The following OLA1 variants were observed in gnomAD, a reference collection of about 807,000 sequenced individuals.
The protein encoded by OLA1 is obg-like ATPase 1.
A neutral mutation model predicts 48.4 loss-of-function variants in OLA1; 14 were observed. The ratio of observed to expected loss-of-function variants is 0.29; its 90% CI spans 0.19 to 0.45. OLA1 has a LOEUF of 0.45. OLA1 is among the 20% of genes least tolerant of loss of function. The pLI, the probability that OLA1 is intolerant of heterozygous loss-of-function variation, is 1.00. For synonymous variants in OLA1, 127 were observed against 150.4 expected (o/e 0.84, Z 1.14); for missense variants, 325 against 467.1 (o/e 0.70, Z 2.80).
intron 7 of OLA1, among the ~76,000 whole-genome samples, chr2:174,113,306 A>G (rs562721994): frequency 6.6e-6 from 1 of 152,190 alleles, no homozygotes; most frequent in Non-Finnish European, 1.5e-5. Context: ...CCTGTTTATC[A>G]TATCAATATA....
rs570270729 is a variant in OLA1 at position 174,145,378 on chromosome 2, T to C, written c.374-3378A>G. On this transcript the variant is annotated intron_variant, in intron 4 of 10. Transcript: ENST00000284719. ...TCTCACTAGTTCACTAGCACACTTT[T>C]ACCCTAGTCCATGGCCTAAGTTATT... Among the ~76,000 whole-genome samples the C allele has an allele frequency of 2.0e-5, 3 of 152,294 alleles. No individual in the cohort carries two copies. In the South Asian group the frequency reaches 6.2e-4, roughly 32 times the overall value.
intron 4 of OLA1, among the ~76,000 whole-genome samples, chr2:174,163,357 T>G (rs1687057854): frequency 6.6e-6 from 1 of 152,018 alleles, no homozygotes; most frequent in South Asian, 2.1e-4. Flanking sequence ...TGATGACAGA[T>G]AATAGCAATA....
In OLA1 at chr2:174,243,938, A is replaced by G. The variant is rs567086507; in HGVS notation, c.101+2777T>C. ...GAGAACCGTCTCCCTCCCACAATCT[A>G]TATCTTGTAGATCTATACAGAAGCA... On this transcript the variant is annotated intron_variant, in intron 2 of 10. Coordinates refer to ENST00000284719, the MANE Select transcript of OLA1 (RefSeq NM_013341.5). Among the ~76,000 whole-genome samples the G allele has an allele frequency of 1.8e-4, 28 of 152,240 alleles. No individual in the cohort carries two copies. The South Asian group carries it at 5.8e-3, about 32-fold the overall frequency.
chr2:174,129,731 G>A (rs201593671), intron 5 of OLA1, among the ~76,000 whole-genome samples: 1 of 151,834 alleles, frequency 6.6e-6, no homozygotes, highest in Admixed American at 6.6e-5. Flanking sequence ...GTTATAATAG[G>A]AAAAAAATAA....
At chr2:174,240,889 C>T (rs13424466) in intron 2 of OLA1, among the ~76,000 whole-genome samples, 65,065 of 151,926 alleles carry the variant, frequency 0.43, 14,021 homozygotes, top group Middle Eastern at 0.5. Flanking sequence ...TATTTTGTAT[C>T]AGGAAAATAG....
intron 5 of OLA1, among the ~76,000 whole-genome samples, chr2:174,137,245 A>G (rs1463878286): frequency 6.6e-6 from 1 of 152,186 alleles, no homozygotes; most frequent in Non-Finnish European, 1.5e-5. Flanking sequence ...AGTAGGTCTC[A>G]ATGAAAGGAA....
intron 7 of OLA1, among the ~76,000 whole-genome samples, chr2:174,095,136 C>T (rs1685217637): frequency 6.6e-6 from 1 of 151,942 alleles, no homozygotes; most frequent in African/African-American, 2.4e-5. Context: ...CTCTTCAAGC[C>T]CCTGCCTTCA....
intron 5 of OLA1, among the ~76,000 whole-genome samples, chr2:174,126,270 A>C (rs912233248): frequency 1.3e-5 from 2 of 152,112 alleles, no homozygotes; most frequent in African/African-American, 2.4e-5. Flanking sequence ...ATATATATAA[A>C]TACATATATA....
chr2:174,239,904 C>T (rs945807975), intron 2 of OLA1, among the ~76,000 whole-genome samples: 2 of 149,086 alleles, frequency 1.3e-5, no homozygotes, highest in African/African-American at 4.9e-5. Flanking sequence ...AAAAAAAAAA[C>T]AAAAAACAAT....
At chr2:174,238,494 CAAAAA>C (rs34395720) in intron 2 of OLA1, among the ~76,000 whole-genome samples, 6 of 106,666 alleles carry the variant, frequency 5.6e-5, no homozygotes, top group Non-Finnish European at 7.7e-5. Flanking sequence ...ACTCTATGTC[CAAAAA>C]AAAAAAAAAA....
rs542503949 is a variant in OLA1, at chr2:174,163,148, G to A, written c.374-21148C>T. ...GCAGATGATTCCCAGCCCACTCCTT[G>A]ATTCTGGATTACTAGGGAGAAGCCT... On this transcript the variant is annotated intron_variant, in intron 4 of 10. Transcript: ENST00000284719. 3.1e-3 allele frequency among the ~76,000 whole-genome samples: 479 copies of A among 152,278 alleles called. 3 individuals are homozygous for A. The highest frequency in any genetic ancestry group is 0.013 in the South Asian group (62 of 4,828).
At chr2:174,139,124 CAG>C (rs769799778) in intron 5 of OLA1, among the ~76,000 whole-genome samples, 1 of 152,156 alleles carries the variant, frequency 6.6e-6, no homozygotes, top group Non-Finnish European at 1.5e-5. Flanking sequence ...CCCTGATACT[CAG>C]AAAGTGAACT....
intron 4 of OLA1, among the ~76,000 whole-genome samples, chr2:174,162,292 T>C (rs538809194): frequency 6.6e-6 from 1 of 152,272 alleles, no homozygotes; most frequent in East Asian, 1.9e-4. Context: ...AAGGCACGAA[T>C]GTTTTACAAG....
intron 4 of OLA1, among the ~76,000 whole-genome samples, chr2:174,213,575 T>C (rs905052987): frequency 5.3e-5 from 8 of 152,216 alleles, no homozygotes; most frequent in Non-Finnish European, 8.8e-5. Flanking sequence ...TAGTAAGTTA[T>C]ATTGCTTCCA....
At chr2:174,174,046 A>C (rs917571531) in intron 4 of OLA1, among the ~76,000 whole-genome samples, 10 of 149,440 alleles carry the variant, frequency 6.7e-5, no homozygotes, top group Non-Finnish European at 7.5e-5. Context: ...AAAAAAAAAA[A>C]AAAAAACAAA....
At chr2:174,140,530 G>A (rs1207576783) in intron 5 of OLA1, among the ~76,000 whole-genome samples, 2 of 151,890 alleles carry the variant, frequency 1.3e-5, no homozygotes, top group African/African-American at 4.8e-5. Context: ...ACCACGCCTG[G>A]CTAATTTTTG....
At chr2:174,193,183 G>A (rs1687812001) in intron 4 of OLA1, among the ~76,000 whole-genome samples, 1 of 150,542 alleles carries the variant, frequency 6.6e-6, no homozygotes, top group Admixed American at 6.7e-5. Flanking sequence ...TCCGCCCTCT[G>A]GATTCAAGCG....
At chr2:174,115,466 A>G (rs1462269917) in intron 7 of OLA1, among the ~76,000 whole-genome samples, 1 of 152,246 alleles carries the variant, frequency 6.6e-6, no homozygotes, top group African/African-American at 2.4e-5. Flanking sequence ...CAAACTAGAA[A>G]ATACATTATG....
chr2:174,144,350 T>C (rs1040261710), intron 4 of OLA1, among the ~76,000 whole-genome samples: 2 of 152,082 alleles, frequency 1.3e-5, no homozygotes, highest in Non-Finnish European at 2.9e-5. Flanking sequence ...GGTGGTAACA[T>C]ACCATAAGTA....
Sources: gnomAD v4.1 joint callset for allele counts (sites outside exome capture counted in the v4.1 genomes callset) on GRCh38, gnomAD v4.1.1 for gene constraint, MANE v1.5 for transcripts, NCBI Gene and HGNC (gene_info 2026-07-23, HGNC 2026-07-21) for gene names.